The following PTK2B variants were observed in gnomAD, a reference collection of about 807,000 sequenced individuals.
PTK2B encodes the protein protein tyrosine kinase 2 beta.
Under a neutral mutation model 142.9 loss-of-function variants are expected in PTK2B, and 71 were observed. The ratio of observed to expected loss-of-function variants is 0.50; its 90% CI spans 0.41 to 0.61. PTK2B has a LOEUF of 0.61. Among genes scored for constraint, PTK2B ranks in the 20% least tolerant of loss-of-function variants. PTK2B has a pLI of 0.00. For synonymous variants in PTK2B, 519 were observed against 503.4 expected (o/e 1.03, Z -0.42); for missense variants, 1,105 against 1,320.4 (o/e 0.84, Z 2.53).
upstream of PTK2B, among the ~76,000 whole-genome samples, chr8:27,323,886 G>C (rs1228617831): frequency 3.3e-5 from 5 of 152,204 alleles, no homozygotes; most frequent in Admixed American, 3.3e-4. Context: ...GTCCCAGCAA[G>C]ATAAGATTGT....
intron 1 of PTK2B, among the ~76,000 whole-genome samples, chr8:27,371,177 A>C (rs1806335008): frequency 6.6e-6 from 1 of 152,170 alleles, no homozygotes; most frequent in Non-Finnish European, 1.5e-5. Flanking sequence ...TACAGGCATG[A>C]GCCAACACAT....
chr8:27,442,894 A>C lies in PTK2B; in HGVS notation c.2059A>C (p.Lys687Gln), dbSNP rs776111566. The part of the protein sequence containing the change: ...CSLSDVYQME[K>Q]DIAMEQERNA... ...CTGCAGTGACGTTTATCAGATGGAG[A>C]AGGACATTGCCATGGAGCAAGAGAG... The change falls in exon 22 of 31, where the codon AAG (lysine) becomes CAG (glutamine). Residue 687 changes from lysine to glutamine, a missense_variant. Physicochemically the swap from Lys to Gln is moderately conservative, Grantham distance 53. Coordinates refer to ENST00000346049, the MANE Select transcript of PTK2B (RefSeq NM_173176.3). 7 of 1,614,006 alleles carry C rather than the reference A, an allele frequency of 4.3e-6. No homozygotes were observed. In the Admixed American group the frequency reaches 1.2e-4, roughly 27 times the overall value.
chr8:27,406,957 A>G (rs908479733), intron 2 of PTK2B, among the ~76,000 whole-genome samples: 1 of 152,204 alleles, frequency 6.6e-6, no homozygotes, highest in Non-Finnish European at 1.5e-5. Context: ...TTTGGGGGGA[A>G]AAATCTGTGA....
At chr8:27,395,838 A>T (rs184619082) in intron 1 of PTK2B, among the ~76,000 whole-genome samples, 265 of 152,280 alleles carry the variant, frequency 1.7e-3, no homozygotes, top group African/African-American at 5.7e-3. Flanking sequence ...GTTACCTCTC[A>T]AACGACTTCC....
In PTK2B at chr8:27,422,398, G is replaced by A; in HGVS notation, c.551+15G>A. 1 of 1,601,560 alleles carries A rather than the reference G, an allele frequency of 6.2e-7. No individual in the cohort carries two copies. Among genetic ancestry groups the A allele is most frequent in the South Asian group, 1.1e-5 (1 of 89,594 alleles). On this transcript the variant is annotated intron_variant, in intron 5 of 30. Transcript: ENST00000346049. ...CTGGAGCTCAGGTATGTGGCCCTGA[G>A]GCCTCTGCTGGGAGGGCGCTGTGCT...
In PTK2B at chr8:27,451,078, G is replaced by T. The variant is rs1213042931; in HGVS notation, c.2523G>T (p.Leu841Phe). ...TTTATATGAATGATAAGTCCCCATT[G>T]GTGAGTTGCCAGGAGAGGCCGCCTC... ...PMVYMNDKSP[L>F]TPEKEVGYLE... The change falls in exon 26 of 31, where the codon TTG becomes TTT. Residue 841 changes from leucine to phenylalanine, a missense_variant and splice_region_variant. By Grantham distance (22) the Leu-to-Phe change is conservative. Transcript: ENST00000346049. 1 of 1,612,550 alleles carries T rather than the reference G, an allele frequency of 6.2e-7. No individual in the cohort carries two copies.
chr8:27,375,223 G>A (rs1199716316), intron 1 of PTK2B, among the ~76,000 whole-genome samples: 1 of 152,200 alleles, frequency 6.6e-6, no homozygotes, highest in Admixed American at 6.5e-5. Context: ...GAAGATGTGG[G>A]CAGTAGCACA....
Position 27,373,803 on chromosome 8 carries a change from A to G in PTK2B, c.-37-23745A>G, listed in dbSNP as rs182716672. On this transcript the variant is annotated intron_variant, in intron 1 of 30. Coordinates refer to ENST00000346049, the MANE Select transcript of PTK2B (RefSeq NM_173176.3). ...GCAGGGTGTCTTCTCCTTCTGGTTT[A>G]AAGCAGGAGAGGCCCTGAGAGAAGA... Among the ~76,000 whole-genome samples, 6 of 152,138 alleles carry G rather than the reference A, an allele frequency of 3.9e-5. No individual in the cohort carries two copies. In the East Asian group the frequency reaches 1.2e-3, roughly 29 times the overall value.
chr8:27,397,815 A>T (rs371424444), intron 2 of PTK2B, 27 bp downstream of exon 2: 2 of 1,609,046 alleles, frequency 1.2e-6, no homozygotes, highest in Non-Finnish European at 1.7e-6. Context: ...TGCCCTGTCC[A>T]TCTGTCTGTC....
chr8:27,311,375 A>C (rs969688849), upstream of PTK2B: 13 of 1,124,346 alleles, frequency 1.2e-5, no homozygotes, highest in Admixed American at 2.5e-4. Flanking sequence ...GCGCTGGCCA[A>C]TCGTGCGGGG....
chr8:27,398,718 A>T (rs1268081173), intron 2 of PTK2B, among the ~76,000 whole-genome samples: 1 of 152,204 alleles, frequency 6.6e-6, no homozygotes, highest in Non-Finnish European at 1.5e-5. Context: ...AGGACATGGG[A>T]TGAGCCATCT....
intron 1 of PTK2B, among the ~76,000 whole-genome samples, chr8:27,360,352 C>T (rs867810093): frequency 1.3e-5 from 2 of 152,238 alleles, no homozygotes; most frequent in Non-Finnish European, 1.5e-5. Context: ...TGCCGGCAAG[C>T]GCCGCAGAGA....
chr8:27,420,870 T>C (rs1809703740), intron 4 of PTK2B, 126 bp downstream of exon 4: 1 of 864,084 alleles, frequency 1.2e-6, no homozygotes. Context: ...GCTAGGAAGC[T>C]TCTCTTGAAG....
chr8:27,442,478 T>C (rs1811211702), intron 21 of PTK2B, among the ~76,000 whole-genome samples: 1 of 152,054 alleles, frequency 6.6e-6, no homozygotes, highest in Non-Finnish European at 1.5e-5. Flanking sequence ...ATAGGAGATG[T>C]AGATTCTAGG....
At chr8:27,317,629 A>C (rs1015081004) in intron 3 of PTK2B, among the ~76,000 whole-genome samples, 1 of 152,026 alleles carries the variant, frequency 6.6e-6, no homozygotes, top group Non-Finnish European at 1.5e-5. Context: ...AAAAAGGAGG[A>C]TCTGGCTTCA....
intron 30 of PTK2B, among the ~76,000 whole-genome samples, chr8:27,457,246 T>C (rs1251344800): frequency 2.6e-5 from 4 of 152,236 alleles, no homozygotes; most frequent in African/African-American, 9.6e-5. Context: ...TTGAAGCCAG[T>C]GCTGATTGGC....
chr8:27,435,867 C>T (rs527663922), intron 14 of PTK2B, 74 bp downstream of exon 14: 3 of 1,500,992 alleles, frequency 2.0e-6, no homozygotes, highest in East Asian at 2.3e-5. Context: ...TCTGGTGACA[C>T]CACAGGGAAC....
intron 5 of PTK2B, among the ~76,000 whole-genome samples, chr8:27,427,516 A>G: frequency 6.6e-6 from 1 of 152,240 alleles, no homozygotes; most frequent in East Asian, 1.9e-4. Context: ...CTTCTTCCTC[A>G]GTGGACCTTT....
intron 1 of PTK2B, among the ~76,000 whole-genome samples, chr8:27,387,758 C>A (rs1807462291): frequency 6.6e-6 from 1 of 151,956 alleles, no homozygotes. Flanking sequence ...TAGCCTAAAT[C>A]CTATTTTTTA....
Sources: gnomAD v4.1 joint callset for allele counts (sites outside exome capture counted in the v4.1 genomes callset) on GRCh38, gnomAD v4.1.1 for gene constraint, MANE v1.5 for transcripts, NCBI Gene and HGNC (gene_info 2026-07-23, HGNC 2026-07-21) for gene names.